MAOB: variants seen among roughly 807,000 people sequenced by gnomAD.
The protein encoded by MAOB is monoamine oxidase B, also known as amine oxidase [flavin-containing] B.
Under a neutral mutation model 41.9 loss-of-function variants are expected in MAOB, and 15 were observed. The ratio of observed to expected loss-of-function variants is 0.36; its 90% CI spans 0.24 to 0.55. The LOEUF (loss-of-function observed/expected upper bound fraction) is 0.55. Among genes scored for constraint, MAOB ranks in the 20% least tolerant of loss-of-function variants. MAOB has a pLI of 0.86. For missense variants in MAOB, 345 were observed against 398.7 expected (o/e 0.87, Z 1.15); for synonymous variants, 167 against 144.2 (o/e 1.16, Z -1.13).
chrX:43,783,804 C>G (rs1333453005), intron 8 of MAOB, among the ~76,000 whole-genome samples: 2 of 111,907 alleles, frequency 1.8e-5, no homozygotes, highest in African/African-American at 3.2e-5. Flanking sequence ...TGAAAAATTT[C>G]TCTGAAGGCT....
At chrX:43,769,440 C>A in intron 12 of MAOB, 22 bp from the exon 13 acceptor site, 1 of 1,199,300 alleles carries the variant, frequency 8.3e-7, no homozygotes. Context: ...ACCAAAGAGG[C>A]AAAAGTGGTC....
intron 1 of MAOB, among the ~76,000 whole-genome samples, chrX:43,860,528 A>T (rs1490144764): frequency 9.0e-6 from 1 of 111,569 alleles, no homozygotes; most frequent in Non-Finnish European, 1.9e-5. Context: ...ACCATTTCTC[A>T]GCATTCTTAC....
intron 1 of MAOB, among the ~76,000 whole-genome samples, chrX:43,871,792 A>G (rs1176580622): frequency 9.1e-6 from 1 of 110,324 alleles, no homozygotes; most frequent in African/African-American, 3.3e-5. Flanking sequence ...CCTTATGTGT[A>G]TTTATCATCG....
At chrX:43,830,395 T>TC (rs2035004357) in intron 3 of MAOB, among the ~76,000 whole-genome samples, 1 of 111,130 alleles carries the variant, frequency 9.0e-6, no homozygotes, top group South Asian at 3.9e-4. Context: ...ATAGCCATTG[T>TC]CCCCTATTCT....
At chrX:43,828,557 C>T (rs964666957) in intron 3 of MAOB, among the ~76,000 whole-genome samples, 1 of 110,773 alleles carries the variant, frequency 9.0e-6, no homozygotes, top group African/African-American at 3.3e-5. Flanking sequence ...AAAAAATCAG[C>T]ATTAGGAAGC....
At chrX:43,855,920 T>C (rs2035284053) in intron 1 of MAOB, among the ~76,000 whole-genome samples, 1 of 111,513 alleles carries the variant, frequency 9.0e-6, no homozygotes, top group African/African-American at 3.3e-5. Flanking sequence ...TCGGTGTCTC[T>C]GGCAGCAGCC....
chrX:43,795,399 A>G (rs1032869950), intron 7 of MAOB, among the ~76,000 whole-genome samples: 1 of 112,214 alleles, frequency 8.9e-6, no homozygotes, highest in Non-Finnish European at 1.9e-5. Context: ...AGTTGTGCAG[A>G]TATCCAGAAG....
At chrX:43,854,359 G>A (rs1426160648) in intron 1 of MAOB, among the ~76,000 whole-genome samples, 1 of 112,314 alleles carries the variant, frequency 8.9e-6, no homozygotes, top group Non-Finnish European at 1.9e-5. Flanking sequence ...AATGTCCTTT[G>A]CAGGAACGTG....
At chrX:43,793,916 G>T (rs978302691) in intron 7 of MAOB, among the ~76,000 whole-genome samples, 2 of 111,157 alleles carry the variant, frequency 1.8e-5, no homozygotes, top group Non-Finnish European at 3.8e-5. Flanking sequence ...TCACTCTGTC[G>T]CCAGGCTGGA....
intron 11 of MAOB, among the ~76,000 whole-genome samples, chrX:43,777,011 G>T (rs868250729): frequency 3.6e-4 from 40 of 110,635 alleles, no homozygotes; most frequent in African/African-American, 1.3e-3. Context: ...GTCTATCATT[G>T]TTGGACATTT....
At chrX:43,880,594 T>G (rs921887831) in intron 1 of MAOB, among the ~76,000 whole-genome samples, 7 of 112,285 alleles carry the variant, frequency 6.2e-5, no homozygotes, top group Non-Finnish European at 9.4e-5. Context: ...GGAATGTTCT[T>G]GAGAAAAGTC....
chrX:43,878,070 A>T (rs7058426), intron 1 of MAOB, among the ~76,000 whole-genome samples: 2,034 of 112,006 alleles, frequency 0.018, 42 homozygotes, highest in African/African-American at 0.06. Flanking sequence ...ATGGTCCTAC[A>T]TGTGCATTCT....
intron 3 of MAOB, among the ~76,000 whole-genome samples, chrX:43,808,633 C>CATCTATATCTATATCTATATCTAT (rs4071606): frequency 6.6e-4 from 59 of 89,156 alleles, no homozygotes; most frequent in African/African-American, 2.2e-3. Context: ...GCATCCTGCA[C>CATCTATATCTATATCTATATCTAT]ATCTATATCT....
At chrX:43,791,422 T>C (rs964052511) in intron 8 of MAOB, among the ~76,000 whole-genome samples, 6 of 111,774 alleles carry the variant, frequency 5.4e-5, no homozygotes, top group Non-Finnish European at 9.4e-5. Context: ...ATGACAAGAT[T>C]CTAGCGTTGT....
intron 1 of MAOB, among the ~76,000 whole-genome samples, chrX:43,875,315 G>C (rs1481379450): frequency 4.5e-5 from 5 of 111,420 alleles, no homozygotes; most frequent in African/African-American, 1.6e-4. Context: ...CTTTTTCTTG[G>C]ATGCAAAACC....
Position 43,882,304 on chromosome X carries a change from C to A in MAOB, c.-5G>T, listed in dbSNP as rs1189761197. The A allele has an allele frequency of 8.3e-7, 1 of 1,207,398 alleles. No homozygotes were observed. The highest frequency in any genetic ancestry group is 3.0e-5 in the East Asian group (1 of 33,451). On this transcript the variant is annotated 5_prime_UTR_variant, in exon 1 of 15. Coordinates refer to ENST00000378069, the MANE Select transcript of MAOB (RefSeq NM_000898.5). ...CACGTCGCATTTGTTGCTCATGGCG[C>A]TCGCCCCGTTCCAGGCCTCCCTGGT... is the stretch of plus-strand genomic sequence containing the variant.
At chrX:43,868,848 T>C (rs182193615) in intron 1 of MAOB, among the ~76,000 whole-genome samples, 219 of 107,997 alleles carry the variant, frequency 2.0e-3, no homozygotes, top group African/African-American at 7.6e-3. Flanking sequence ...TAATTTCACA[T>C]CAATTCTTGT....
chrX:43,782,050 T>C (rs1411740298), intron 8 of MAOB, among the ~76,000 whole-genome samples: 2 of 111,092 alleles, frequency 1.8e-5, no homozygotes, highest in Admixed American at 1.9e-4. Flanking sequence ...AGATCTAAAA[T>C]CAACACCCTA....
chrX:43,824,571 T>C (rs2147153286), intron 3 of MAOB, among the ~76,000 whole-genome samples: 1 of 111,734 alleles, frequency 8.9e-6, no homozygotes, highest in East Asian at 2.8e-4. Context: ...TAGTCCTAGC[T>C]ACTCAGGAGG....
Sources: allele counts gnomAD v4.1 joint callset (sites outside exome capture counted in the v4.1 genomes callset), GRCh38; gene constraint gnomAD v4.1.1; transcripts MANE v1.5; gene names NCBI Gene and HGNC (gene_info 2026-07-23, HGNC 2026-07-21).